PCCB: variants seen among roughly 807,000 people sequenced by gnomAD.
The protein encoded by PCCB is propionyl-CoA carboxylase subunit beta.
Under a neutral mutation model 60.7 loss-of-function variants are expected in PCCB, and 43 were observed. The ratio of observed to expected loss-of-function variants is 0.71; its 90% CI spans 0.55 to 0.91. The LOEUF (loss-of-function observed/expected upper bound fraction) is 0.91. Among genes scored for constraint, PCCB ranks in the 40% least tolerant of loss-of-function variants. PCCB has a pLI of 0.00. For synonymous variants in PCCB, 276 were observed against 255.9 expected (o/e 1.08, Z -0.75); for missense variants, 766 against 702.8 (o/e 1.09, Z -1.02).
intron 9 of PCCB, among the ~76,000 whole-genome samples, 172 bp downstream of exon 9, chr3:136,301,283 C>CCTAGT (rs1428099361): frequency 1.3e-5 from 2 of 152,108 alleles, no homozygotes; most frequent in African/African-American, 4.8e-5. Flanking sequence ...TCTGGAAAGA[C>CCTAGT]CTAGTGGCTA....
At chr3:136,256,510 A>T (rs756203088) in intron 2 of PCCB, 45 bp from the exon 3 acceptor site, 2 of 1,390,276 alleles carry the variant, frequency 1.4e-6, no homozygotes, top group Non-Finnish European at 2.0e-6. Context: ...TCATTAGAAG[A>T]AGTATTTGGA....
intron 10 of PCCB, among the ~76,000 whole-genome samples, chr3:136,324,236 A>T (rs930135865): frequency 2.0e-5 from 3 of 152,014 alleles, no homozygotes; most frequent in Admixed American, 2.0e-4. Context: ...GTGAGCCACC[A>T]TGCCCAGCCT....
chr3:136,255,835 G>A (rs1941658849), intron 1 of PCCB, 21 bp from the exon 2 acceptor site: 2 of 1,609,990 alleles, frequency 1.2e-6, no homozygotes, highest in African/African-American at 2.7e-5. Flanking sequence ...ACATCACTGA[G>A]TGATCTTTGT....
intron 7 of PCCB, among the ~76,000 whole-genome samples, chr3:136,294,504 T>C (rs937015847): frequency 1.3e-5 from 2 of 149,846 alleles, no homozygotes; most frequent in African/African-American, 2.5e-5. Context: ...AGAGATGGGG[T>C]TTTACCATGT....
intron 5 of PCCB, among the ~76,000 whole-genome samples, chr3:136,280,986 C>T (rs543018329): frequency 3.0e-4 from 46 of 152,290 alleles, no homozygotes; most frequent in African/African-American, 5.1e-4. Flanking sequence ...CACTGCCTTC[C>T]GGCCTCCATG....
rs532366888 is a variant in PCCB, at chr3:136,257,203, A to G, written c.372+580A>G. ...CCTGATTTATCCAGGTGGGCCCAAT[A>G]TAATCACAGGGTCCTTAAAAGTGGA... On this transcript the variant is annotated intron_variant, in intron 3 of 14. Transcript: ENST00000251654. Among the ~76,000 whole-genome samples the G allele has an allele frequency of 5.3e-5, 8 of 152,318 alleles. No individual in the cohort carries two copies. In the South Asian group the frequency reaches 1.4e-3, roughly 28 times the overall value.
intron 5 of PCCB, among the ~76,000 whole-genome samples, chr3:136,280,151 T>A (rs1190920571): frequency 6.6e-6 from 1 of 152,212 alleles, no homozygotes; most frequent in Non-Finnish European, 1.5e-5. Context: ...TTTTTTCTCA[T>A]GACCTCATGT....
chr3:136,312,605 C>G (rs1178194707), intron 9 of PCCB, among the ~76,000 whole-genome samples: 4 of 152,122 alleles, frequency 2.6e-5, no homozygotes, highest in Non-Finnish European at 1.5e-5. Context: ...CAAAAATAAA[C>G]TACAAATGGG....
chr3:136,261,093 C>T (rs1941809922), intron 4 of PCCB, among the ~76,000 whole-genome samples: 1 of 152,026 alleles, frequency 6.6e-6, no homozygotes. Flanking sequence ...GACTCCCGTT[C>T]ACAGATCTCT....
Position 136,275,653 on chromosome 3 carries a change from A to G in PCCB, c.544-8184A>G, listed in dbSNP as rs1942315720. ...CTAAGGATGTGACTTTAGTGTTTAT[A>G]GTTTATTATAGCCTAATGTGATTCT... On this transcript the variant is annotated intron_variant, in intron 5 of 14. Coordinates refer to ENST00000251654, the MANE Select transcript of PCCB (RefSeq NM_000532.5). 2.6e-5 allele frequency among the ~76,000 whole-genome samples: 4 copies of G among 151,926 alleles called. No homozygotes were observed. In the South Asian group the frequency reaches 8.3e-4, roughly 32 times the overall value.
At chr3:136,258,559 TTC>T (rs1373252062) in intron 3 of PCCB, among the ~76,000 whole-genome samples, 2 of 152,152 alleles carry the variant, frequency 1.3e-5, no homozygotes, top group African/African-American at 4.8e-5. Context: ...GCTTCTGTTC[TTC>T]TGGGGAGCCT....
intron 7 of PCCB, among the ~76,000 whole-genome samples, chr3:136,294,838 G>A (rs573695115): frequency 3.4e-5 from 5 of 147,318 alleles, no homozygotes; most frequent in East Asian, 2.1e-4. Context: ...GGTTGGTCTC[G>A]AACTCCTGGG....
At chr3:136,274,082 A>G (rs1487715736) in intron 5 of PCCB, among the ~76,000 whole-genome samples, 3 of 152,008 alleles carry the variant, frequency 2.0e-5, no homozygotes. Flanking sequence ...TTAAAAATCC[A>G]TTCTGCCATT....
chr3:136,320,304 A>G (rs991274340), intron 10 of PCCB, among the ~76,000 whole-genome samples: 2 of 152,214 alleles, frequency 1.3e-5, no homozygotes, highest in African/African-American at 4.8e-5. Flanking sequence ...ACACCTTGAC[A>G]ATATTGTCTT....
intron 5 of PCCB, among the ~76,000 whole-genome samples, chr3:136,266,990 C>G (rs1328110745): frequency 6.6e-6 from 1 of 152,128 alleles, no homozygotes; most frequent in Non-Finnish European, 1.5e-5. Context: ...TCAAGTGATT[C>G]TCGTGCCTCA....
intron 6 of PCCB, 48 bp downstream of exon 6, chr3:136,283,995 T>TAAGGAACTGCA: frequency 8.9e-7 from 1 of 1,128,704 alleles, no homozygotes; most frequent in Non-Finnish European, 1.4e-6. Context: ...TTTGTGCAGT[T>TAAGGAACTGCA]CCTTACCTGC....
At position 136,255,382 on chromosome 3, in the gene PCCB, G is replaced by A. The variant is rs553737441; in HGVS notation, c.184-474G>A. The A allele has an allele frequency of 1.4e-5, 3 of 216,134 alleles. No homozygotes were observed. In the East Asian group the frequency reaches 3.6e-4, roughly 26 times the overall value. 13.4% of individuals were successfully genotyped at this position (216,134 alleles called of 1,614,324 possible). A position where few individuals can be genotyped will look rare whatever the true frequency, so the allele number is the denominator to read the frequency against. On this transcript the variant is annotated intron_variant, in intron 1 of 14. Transcript: ENST00000251654. ...AAGAACCAGGAAGTAGCGTGTCCTTGAGGTGGGAGCTGGGAGCAGTAGGGA... is the reference window on the plus strand; with the variant it reads ...AAGAACCAGGAAGTAGCGTGTCCTTAAGGTGGGAGCTGGGAGCAGTAGGGA...
chr3:136,320,530 A>G (rs1431594418), intron 10 of PCCB, among the ~76,000 whole-genome samples: 1 of 152,174 alleles, frequency 6.6e-6, no homozygotes, highest in Non-Finnish European at 1.5e-5. Context: ...TACAAAACTG[A>G]TTTTTGTTGA....
intron 5 of PCCB, among the ~76,000 whole-genome samples, chr3:136,267,595 C>G (rs1942039680): frequency 6.6e-6 from 1 of 152,094 alleles, no homozygotes; most frequent in African/African-American, 2.4e-5. Context: ...GGCAGTCCTC[C>G]TGCCTCATCC....
Sources: gnomAD v4.1 joint callset for allele counts (sites outside exome capture counted in the v4.1 genomes callset) on GRCh38, gnomAD v4.1.1 for gene constraint, MANE v1.5 for transcripts, NCBI Gene and HGNC (gene_info 2026-07-23, HGNC 2026-07-21) for gene names.